DGKI: variants seen among roughly 807,000 people sequenced by gnomAD.
DGKI encodes DAG kinase iota.
Under a neutral mutation model 147.5 loss-of-function variants are expected in DGKI, and 55 were observed. The ratio of observed to expected loss-of-function variants is 0.37; its 90% CI spans 0.30 to 0.47. The LOEUF is 0.47. DGKI is among the 20% of genes least tolerant of loss of function. The pLI is 1.00. For synonymous variants in DGKI, 469 were observed against 477.1 expected, an observed-to-expected ratio of 0.98 and a Z score of 0.22; for missense variants, 1,007 against 1,323.8, an observed-to-expected ratio of 0.76 and a Z score of 3.71.
At chr7:137,660,234 G>T (rs1444137442) in intron 3 of DGKI, among the ~76,000 whole-genome samples, 1 of 151,860 alleles carries the variant, frequency 6.6e-6, no homozygotes, top group Non-Finnish European at 1.5e-5. Flanking sequence ...GGCAGAGGGG[G>T]GAACATATCC....
chr7:137,561,043 G>T (rs917201618), intron 19 of DGKI, among the ~76,000 whole-genome samples: 1 of 152,074 alleles, frequency 6.6e-6, no homozygotes, highest in Admixed American at 6.5e-5. Flanking sequence ...ACAAATGGAA[G>T]TATCATATGA....
At chr7:137,415,201 A>G (rs1731963) in intron 28 of DGKI, among the ~76,000 whole-genome samples, 147,876 of 152,202 alleles carry the variant, frequency 0.97, 71,978 homozygotes, top group Middle Eastern at 1. Flanking sequence ...AAGTAAAGCC[A>G]GCCCTCCGTA....
chr7:137,551,209 T>C (rs1215578269), intron 20 of DGKI, among the ~76,000 whole-genome samples: 3 of 152,044 alleles, frequency 2.0e-5, no homozygotes, highest in African/African-American at 7.2e-5. Flanking sequence ...TACCCCAGCT[T>C]CAAACTGAGA....
intron 28 of DGKI, among the ~76,000 whole-genome samples, chr7:137,414,140 A>G (rs1008913308): frequency 6.6e-6 from 1 of 152,170 alleles, no homozygotes; most frequent in South Asian, 2.1e-4. Flanking sequence ...CAAAACCCCC[A>G]AAGCTTTTAT....
At chr7:137,648,555 AACT>A (rs1821912810) in intron 5 of DGKI, among the ~76,000 whole-genome samples, 2 of 152,226 alleles carry the variant, frequency 1.3e-5, no homozygotes, top group Admixed American at 1.3e-4. Flanking sequence ...TAACTGAGAA[AACT>A]ACTAAGTGAT....
intron 23 of DGKI, among the ~76,000 whole-genome samples, chr7:137,478,273 A>G (rs987380615): frequency 6.6e-6 from 1 of 152,206 alleles, no homozygotes; most frequent in Admixed American, 6.5e-5. Context: ...GAAGCAGAAT[A>G]TCAGACAGGA....
chr7:137,481,136 C>G (rs976107506), intron 23 of DGKI, among the ~76,000 whole-genome samples: 1 of 152,052 alleles, frequency 6.6e-6, no homozygotes, highest in Non-Finnish European at 1.5e-5. Flanking sequence ...TCTCTGTGCA[C>G]GCTAAGATGT....
intron 19 of DGKI, among the ~76,000 whole-genome samples, chr7:137,558,615 G>A (rs552505238): frequency 1.2e-4 from 16 of 130,508 alleles, no homozygotes; most frequent in South Asian, 2.9e-4. Flanking sequence ...AAAACATGCT[G>A]TAGGGAACCT....
At chr7:137,600,578 A>C (rs567130969) in intron 10 of DGKI, among the ~76,000 whole-genome samples, 10 of 152,314 alleles carry the variant, frequency 6.6e-5, no homozygotes, top group African/African-American at 2.4e-4. Flanking sequence ...TACTATCATT[A>C]ATGTATGAAA....
At chr7:137,797,714 T>C (rs1797076407) in intron 1 of DGKI, among the ~76,000 whole-genome samples, 1 of 151,938 alleles carries the variant, frequency 6.6e-6, no homozygotes, top group African/African-American at 2.4e-5. Flanking sequence ...AGGAAATAGA[T>C]GTTTAACACA....
intron 1 of DGKI, among the ~76,000 whole-genome samples, chr7:137,701,453 C>G (rs1823981116): frequency 6.6e-6 from 1 of 152,106 alleles, no homozygotes; most frequent in Non-Finnish European, 1.5e-5. Flanking sequence ...GAAATTCCAA[C>G]TAATCTGCAA....
intron 30 of DGKI, among the ~76,000 whole-genome samples, chr7:137,401,672 T>A (rs923613103): frequency 2.0e-5 from 3 of 152,232 alleles, no homozygotes; most frequent in African/African-American, 7.2e-5. Flanking sequence ...CATCAAATTG[T>A]CAGCAGAGAA....
chr7:137,817,330 C>A (rs1051577118), intron 1 of DGKI, among the ~76,000 whole-genome samples: 1 of 152,126 alleles, frequency 6.6e-6, no homozygotes, highest in African/African-American at 2.4e-5. Flanking sequence ...GACACATACT[C>A]GGTGCTTAAT....
intron 6 of DGKI, among the ~76,000 whole-genome samples, chr7:137,632,360 G>T (rs1821150639): frequency 6.6e-6 from 1 of 152,152 alleles, no homozygotes; most frequent in Non-Finnish European, 1.5e-5. Context: ...CCCAGGAGAA[G>T]AATCTTACAA....
intron 20 of DGKI, 68 bp downstream of exon 20, chr7:137,552,301 T>G: frequency 6.4e-7 from 1 of 1,557,414 alleles, no homozygotes; most frequent in Non-Finnish European, 8.8e-7. Context: ...CCCCAGACCA[T>G]GCACATGCTC....
At chr7:137,771,368 G>A (rs1796192458) in intron 1 of DGKI, among the ~76,000 whole-genome samples, 1 of 152,178 alleles carries the variant, frequency 6.6e-6, no homozygotes. Flanking sequence ...TGGGACTACA[G>A]GTGTGAGCCA....
At chr7:137,653,510 C>G (rs1204136509) in intron 5 of DGKI, among the ~76,000 whole-genome samples, 1 of 152,222 alleles carries the variant, frequency 6.6e-6, no homozygotes, top group Non-Finnish European at 1.5e-5. Flanking sequence ...TCATGTCTTA[C>G]TCAGTACACC....
chr7:137,416,510 C>T lies in DGKI; in HGVS notation c.2762-4303G>A, dbSNP rs111942531. Among the ~76,000 whole-genome samples, 8 of 152,240 alleles carry T rather than the reference C, an allele frequency of 5.3e-5. No individual in the cohort carries two copies. In the South Asian group the frequency reaches 8.3e-4, roughly 16 times the overall value. ...AGGTGGAGAGTAGTCTCAGGTAACG[C>T]GATCCAAGGTTTCACAGGAACCACT... On this transcript the variant is annotated intron_variant, in intron 28 of 32. Coordinates refer to ENST00000614521, the MANE Select transcript of DGKI (RefSeq NM_001321708.2).
At chr7:137,552,262 C>CT (rs1818071751) in intron 20 of DGKI, 107 bp downstream of exon 20, 2 of 1,220,586 alleles carry the variant, frequency 1.6e-6, no homozygotes, top group East Asian at 2.4e-5. Flanking sequence ...GTCTCCTGGA[C>CT]TTTTTTCCTC....
Sources: allele counts gnomAD v4.1 joint callset (sites outside exome capture counted in the v4.1 genomes callset), GRCh38; gene constraint gnomAD v4.1.1; transcripts MANE v1.5; gene names NCBI Gene and HGNC (gene_info 2026-07-23, HGNC 2026-07-21).